The following GSDMA variants were observed in gnomAD, a reference collection of about 807,000 sequenced individuals.
The protein encoded by GSDMA is gasdermin A, also known as gasdermin-A.
Under a neutral mutation model 54.3 loss-of-function variants are expected in GSDMA, and 55 were observed. The ratio of observed to expected loss-of-function variants is 1.01; its 90% CI spans 0.82 to 1.27. GSDMA has a LOEUF of 1.27. Ranked by LOEUF, GSDMA falls within the 50% of genes most tolerant of loss-of-function variation. GSDMA has a pLI of 0.00. For missense variants in GSDMA, 542 were observed against 542.6 expected (o/e 1.00, Z 0.01); for synonymous variants, 211 against 224.7 (o/e 0.94, Z 0.54).
rs776586744 is a variant in GSDMA at position 39,970,527 on chromosome 17, AG to A, written c.442del (p.Glu148ArgfsTer6). On this transcript the variant is annotated frameshift_variant, in exon 4 of 12. Transcript: ENST00000301659. LOFTEE classifies it high-confidence loss of function. ...HPFLKEMQDQGENLYVVMEVV... is the reference protein window; with the variant it reads ...HPFLKEMQDQXENLYVVMEVV... The stretch of plus-strand genomic sequence containing the variant: ...CATTCCTGAAGGAGATGCAAGATCA[AG>A]GGGAGAACCTGTATGTGGTGATGGA... 2.5e-5 allele frequency: 40 copies of A among 1,600,832 alleles called. No homozygotes were observed. In the Admixed American group the frequency reaches 2.6e-4, roughly 10 times the overall value.
intron 4 of GSDMA, among the ~76,000 whole-genome samples, chr17:39,971,153 G>T (rs1378602358): frequency 6.6e-6 from 1 of 152,188 alleles, no homozygotes; most frequent in Non-Finnish European, 1.5e-5. Context: ...TCCTGAAAGA[G>T]GTAAGCATGG....
In GSDMA at chr17:39,965,755, C is replaced by T. The variant is rs759910063; in HGVS notation, c.68C>T (p.Pro23Leu). 6.2e-7 allele frequency: 1 copy of T among 1,611,866 alleles called. No individual in the cohort carries two copies. The highest frequency in any genetic ancestry group is 1.1e-5 in the South Asian group (1 of 90,558). The change falls in exon 2 of 12, where the codon CCA becomes CTA. Residue 23 changes from proline to leucine, a missense_variant. Transcript: ENST00000301659. ...RQLNPRGDLTPLDSLIDFKRF... is the reference protein window; with the variant it reads ...RQLNPRGDLTLLDSLIDFKRF... Reference sequence around the variant, plus strand: ...CTAAACCCTCGAGGGGACCTGACACCACTTGACAGCCTCATCGACTTCAAG... The same window carrying T: ...CTAAACCCTCGAGGGGACCTGACACTACTTGACAGCCTCATCGACTTCAAG...
At chr17:39,976,429 C>T (rs1227849691) in intron 11 of GSDMA, among the ~76,000 whole-genome samples, 1 of 152,096 alleles carries the variant, frequency 6.6e-6, no homozygotes, top group African/African-American at 2.4e-5. Context: ...CAGGCGCCCA[C>T]CACCACACCC....
intron 5 of GSDMA, 55 bp downstream of exon 5, chr17:39,971,675 C>A: frequency 2.4e-6 from 3 of 1,266,112 alleles, no homozygotes; most frequent in Non-Finnish European, 3.5e-6. Context: ...TGCACCAGTA[C>A]TGAGGCACCC....
In GSDMA at chr17:39,972,170, C is replaced by G; in HGVS notation, c.697C>G (p.Pro233Ala). ...CAATGATAACATGCAAACCTTCCCT[C>G]CTGGAGGTAAGTGAAATTGCTTACG... ...ICNDNMQTFP[P>A]GEKSGEEKVI... Residue 233 changes from proline to alanine, a missense_variant, in exon 6 of 12, where the codon CCT becomes GCT. Coordinates refer to ENST00000301659, the MANE Select transcript of GSDMA (RefSeq NM_178171.5). 3.8e-6 allele frequency: 6 copies of G among 1,577,908 alleles called. No homozygotes were observed. Among genetic ancestry groups the G allele is most frequent in the East Asian group, 2.3e-5 (1 of 42,906 alleles).
rs1157556336 is a variant in GSDMA at position 39,977,247 on chromosome 17, A to G, written c.*189A>G. The G allele has an allele frequency of 1.1e-5, 6 of 556,848 alleles. No individual in the cohort carries two copies. The highest frequency in any genetic ancestry group is 2.5e-5 in the South Asian group (1 of 39,702). The allele number at this position is 556,848 out of a possible 1,614,324, so 34.5% of individuals were successfully genotyped here. A position where few individuals can be genotyped will look rare whatever the true frequency, so the allele number is the denominator to read the frequency against. The stretch of plus-strand genomic sequence containing the variant: ...CCCTACCCCTCCAGCTCCGCAACCC[A>G]CTAAGCCCATCTGCTGATGCTTAAA... On this transcript the variant is annotated 3_prime_UTR_variant, in exon 12 of 12. Transcript: ENST00000301659.
Position 39,974,986 on chromosome 17 carries a change from C to T in GSDMA, c.993C>T (p.Ala331=). The T allele has an allele frequency of 6.2e-7, 1 of 1,612,566 alleles. No homozygotes were observed. The highest frequency in any genetic ancestry group is 8.5e-7 in the Non-Finnish European group (1 of 1,178,946). ...DVLLSKEAVG[A]ILYFVGALTE... is the part of the protein sequence containing the mutation. ...TGCTATCAAAGGAGGCCGTGGGCGC[C>T]ATCCTCTATTTCGTTGGAGCCCTAA... Residue 331 remains alanine (A), a synonymous_variant, in exon 10 of 12, where the codon GCC becomes GCT. Coordinates refer to ENST00000301659, the MANE Select transcript of GSDMA (RefSeq NM_178171.5).
chr17:39,969,768 C>T (rs552113862), intron 3 of GSDMA, among the ~76,000 whole-genome samples: 86 of 152,048 alleles, frequency 5.7e-4, no homozygotes, highest in Non-Finnish European at 1.0e-3. Flanking sequence ...GGAGAAGAAT[C>T]GCTTGAACCC....
In GSDMA at chr17:39,971,388, A is replaced by T; in HGVS notation, c.559-136A>T. ...TCCTTCCTCAGAGTCCAGACCAGGG[A>T]CACCACTGAAGGCTTCCAGCTTCTT... On this transcript the variant is annotated intron_variant, in intron 4 of 11. Coordinates refer to ENST00000301659, the MANE Select transcript of GSDMA (RefSeq NM_178171.5). 4 of 632,978 alleles carry T rather than the reference A, an allele frequency of 6.3e-6. No individual in the cohort carries two copies. In the South Asian group the frequency reaches 7.3e-5, roughly 12 times the overall value. The allele number at this position is 632,978 out of a possible 1,614,324, so 39.2% of individuals were successfully genotyped here. A position where few individuals can be genotyped will look rare whatever the true frequency, so the allele number is the denominator to read the frequency against.
rs373489642 is a variant in GSDMA, at chr17:39,970,589, G to C, written c.500G>C (p.Arg167Pro). The change falls in exon 4 of 12, where the codon CGA becomes CCA. Residue 167 changes from arginine to proline, a missense_variant. Coordinates refer to ENST00000301659, the MANE Select transcript of GSDMA (RefSeq NM_178171.5). ...VETVQEVTLERAGKAEACFSL... is the reference protein window; with the variant it reads ...VETVQEVTLEPAGKAEACFSL... Reference sequence around the variant, plus strand: ...ACGGTGCAGGAGGTCACACTGGAGCGAGCCGGCAAGGCAGAGGCCTGCTTC... The same window carrying C: ...ACGGTGCAGGAGGTCACACTGGAGCCAGCCGGCAAGGCAGAGGCCTGCTTC... The C allele has an allele frequency of 1.2e-6, 2 of 1,602,682 alleles. No individual in the cohort carries two copies. The highest frequency in any genetic ancestry group is 2.3e-5 in the East Asian group (1 of 43,930).
Position 39,965,877 on chromosome 17 carries a change from C to T in GSDMA, c.190C>T (p.Leu64Phe). The change falls in exon 2 of 12, where the codon CTT (leucine) becomes TTT (phenylalanine). Residue 64 changes from leucine (L) to phenylalanine (F), a missense_variant. By Grantham distance (22) the Leu-to-Phe change is conservative. Coordinates refer to ENST00000301659, the MANE Select transcript of GSDMA (RefSeq NM_178171.5). ...VRTDYTLLDV[L>F]EPGSSPSDPT... ...CACCGACTACACGCTGCTGGATGTGCTTGAGCCCGGCAGCTCACCTTCAGG... is the reference window on the plus strand; with the variant it reads ...CACCGACTACACGCTGCTGGATGTGTTTGAGCCCGGCAGCTCACCTTCAGG... The T allele has an allele frequency of 6.4e-7, 1 of 1,556,530 alleles. No homozygotes were observed. The highest frequency in any genetic ancestry group is 1.9e-5 in the Admixed American group (1 of 51,298).
At chr17:39,974,646 GT>G (rs1980119966) in intron 9 of GSDMA, among the ~76,000 whole-genome samples, 1 of 152,192 alleles carries the variant, frequency 6.6e-6, no homozygotes, top group African/African-American at 2.4e-5. Flanking sequence ...CAAACAGTGG[GT>G]TCCCCCAAGG....
At chr17:39,964,060 G>C (rs1315486946) in intron 1 of GSDMA, among the ~76,000 whole-genome samples, 3 of 152,174 alleles carry the variant, frequency 2.0e-5, no homozygotes, top group African/African-American at 7.2e-5. Context: ...AGTCACAGAC[G>C]AGTTGCTGAT....
At position 39,975,180 on chromosome 17, in the gene GSDMA, G is replaced by A. The variant is rs1479935343; in HGVS notation, c.1021+166G>A. On this transcript the variant is annotated intron_variant, in intron 10 of 11. Coordinates refer to ENST00000301659, the MANE Select transcript of GSDMA (RefSeq NM_178171.5). ...AATTGGTTTCATGGCTGGCTGCAGT[G>A]GCTCATGCCTGTAATCCCAGCACTT... 4.6e-5 allele frequency among the ~76,000 whole-genome samples: 7 copies of A among 152,312 alleles called. No homozygotes were observed. In the East Asian group the frequency reaches 1.3e-3, roughly 29 times the overall value.
chr17:39,975,233 G>A (rs183955858), intron 10 of GSDMA, among the ~76,000 whole-genome samples: 187 of 152,276 alleles, frequency 1.2e-3, no homozygotes, highest in African/African-American at 3.8e-3. Flanking sequence ...TGGATCACCC[G>A]TGATCAAGAG....
At chr17:39,965,339 A>G (rs1193159112) in intron 1 of GSDMA, among the ~76,000 whole-genome samples, 1 of 151,254 alleles carries the variant, frequency 6.6e-6, no homozygotes, top group Non-Finnish European at 1.5e-5. Flanking sequence ...AAAGAAAAAG[A>G]AAAGAAAGAA....
rs900451650 is a variant in GSDMA, at chr17:39,965,843, G to T, written c.156G>T (p.Arg52=). 5 of 1,573,218 alleles carry T rather than the reference G, an allele frequency of 3.2e-6. No individual in the cohort carries two copies. Among genetic ancestry groups the T allele is most frequent in the Non-Finnish European group, 4.3e-6 (5 of 1,159,920 alleles). Residue 52 remains arginine, a synonymous_variant, in exon 2 of 12, where the codon CGG becomes CGT. Transcript: ENST00000301659. ...AGAGCACGCTCTTCTGGGGGGCCCG[G>T]TACGTCCGCACCGACTACACGCTGC... ...KRKSTLFWGA[R]YVRTDYTLLD...
At chr17:39,964,676 A>G (rs1979555456) in intron 1 of GSDMA, among the ~76,000 whole-genome samples, 1 of 152,168 alleles carries the variant, frequency 6.6e-6, no homozygotes, top group African/African-American at 2.4e-5. Flanking sequence ...GGTGCAGGGA[A>G]GTGTAACCCA....
At position 39,965,842 on chromosome 17, in the gene GSDMA, G is replaced by A. The variant is rs199741961; in HGVS notation, c.155G>A (p.Arg52Gln). 1.6e-5 allele frequency: 25 copies of A among 1,573,758 alleles called. No individual in the cohort carries two copies. The highest frequency in any genetic ancestry group is 1.0e-4 in the South Asian group (9 of 85,768). Reference protein sequence around the residue: ...KRKSTLFWGARYVRTDYTLLD... With the variant: ...KRKSTLFWGAQYVRTDYTLLD... ...AAGAGCACGCTCTTCTGGGGGGCCC[G>A]GTACGTCCGCACCGACTACACGCTG... Residue 52 changes from arginine to glutamine, a missense_variant, in exon 2 of 12, where the codon CGG becomes CAG. Transcript: ENST00000301659.
Sources: gnomAD v4.1 joint callset for allele counts (sites outside exome capture counted in the v4.1 genomes callset) on GRCh38, gnomAD v4.1.1 for gene constraint, MANE v1.5 for transcripts, NCBI Gene and HGNC (gene_info 2026-07-23, HGNC 2026-07-21) for gene names.